PPP2R5E: variants seen among roughly 807,000 people sequenced by gnomAD.
PPP2R5E encodes the protein serine/threonine-protein phosphatase 2A 56 kDa regulatory subunit epsilon isoform.
Under a neutral mutation model 65.3 loss-of-function variants are expected in PPP2R5E, and 4 were observed. The ratio of observed to expected loss-of-function variants is 0.06; its 90% CI spans 0.03 to 0.14. PPP2R5E has a LOEUF of 0.14. PPP2R5E is among the 10% of genes least tolerant of loss of function. PPP2R5E has a pLI of 1.00. For synonymous variants in PPP2R5E, 183 were observed against 187.4 expected (o/e 0.98, Z 0.19); for missense variants, 274 against 556.1 (o/e 0.49, Z 5.10).
intron 2 of PPP2R5E, among the ~76,000 whole-genome samples, chr14:63,474,346 G>T (rs1482492893): frequency 3.3e-5 from 5 of 152,160 alleles, no homozygotes; most frequent in African/African-American, 9.7e-5. Context: ...TTGAGCACCT[G>T]GGTGAACAGA....
intron 2 of PPP2R5E, among the ~76,000 whole-genome samples, chr14:63,481,659 C>A (rs894254281): frequency 2.0e-5 from 3 of 152,100 alleles, no homozygotes; most frequent in African/African-American, 7.2e-5. Flanking sequence ...TTTTAACAAT[C>A]ATTTATCAAA....
chr14:63,394,042 T>G, intron 7 of PPP2R5E, 114 bp from the exon 8 acceptor site: 2 of 449,048 alleles, frequency 4.5e-6, no homozygotes, highest in Non-Finnish European at 8.3e-6. Flanking sequence ...AACAACATAA[T>G]ACCCACCCCA....
intron 7 of PPP2R5E, 142 bp from the exon 8 acceptor site, chr14:63,394,070 CTTTTTT>C (rs557273298): frequency 0.049 from 8,880 of 180,738 alleles, 140 homozygotes; most frequent in East Asian, 0.19. Flanking sequence ...TCAGAATTTC[CTTTTTT>C]TTTTTTTTTT....
chr14:63,458,852 T>C (rs1179527105), intron 2 of PPP2R5E, among the ~76,000 whole-genome samples: 3 of 152,196 alleles, frequency 2.0e-5, no homozygotes, highest in Admixed American at 2.0e-4. Flanking sequence ...AAAATTCTTC[T>C]AAATTAACAA....
chr14:63,534,825 G>A (rs1473048711), intron 2 of PPP2R5E, among the ~76,000 whole-genome samples: 1 of 152,036 alleles, frequency 6.6e-6, no homozygotes, highest in East Asian at 1.9e-4. Flanking sequence ...TCACTATGTT[G>A]CGTAGGCTGG....
intron 2 of PPP2R5E, among the ~76,000 whole-genome samples, chr14:63,510,420 C>A (rs918413042): frequency 2.6e-5 from 4 of 152,176 alleles, no homozygotes; most frequent in African/African-American, 9.7e-5. Flanking sequence ...TGCAGTCTAA[C>A]TGAAGGGGAT....
At chr14:63,500,730 T>C (rs555626631) in intron 2 of PPP2R5E, among the ~76,000 whole-genome samples, 2 of 152,004 alleles carry the variant, frequency 1.3e-5, no homozygotes, top group South Asian at 4.2e-4. Context: ...TTGCCAGGCA[T>C]GGTGGTGCAT....
At chr14:63,540,839 TTG>T (rs1893870977) in intron 1 of PPP2R5E, among the ~76,000 whole-genome samples, 1 of 152,214 alleles carries the variant, frequency 6.6e-6, no homozygotes, top group Non-Finnish European at 1.5e-5. Flanking sequence ...CTCTAATGTA[TTG>T]TGCCACTCCA....
intron 2 of PPP2R5E, among the ~76,000 whole-genome samples, chr14:63,512,062 G>C (rs906257989): frequency 2.6e-4 from 31 of 121,020 alleles, no homozygotes; most frequent in Non-Finnish European, 1.9e-4. Flanking sequence ...CTGGACGACA[G>C]AGCGAGACTC....
In PPP2R5E at chr14:63,453,799, C is replaced by G. The variant is rs1888981656; in HGVS notation, c.244G>C (p.Asp82His). ...CGCTTGTATTCTTTCATTTTAAGAT[C>G]AGATAGCGTGTCCATGAAGTCAAAA... is the stretch of plus-strand genomic sequence containing the variant. ...VIFDFMDTLS[D>H]LKMKEYKRST... Residue 82 changes from aspartate (D) to histidine (H), a missense_variant, in exon 3 of 14, where the codon GAT (aspartate) becomes CAT (histidine). Around this residue, in one of 6 missense-constraint regions of PPP2R5E, gnomAD observed 51 missense variants for 101.1 expected, o/e 0.50. Transcript: ENST00000337537. 1 of 1,609,966 alleles carries G rather than the reference C, an allele frequency of 6.2e-7. No homozygotes were observed. Among genetic ancestry groups the G allele is most frequent in the African/African-American group, 1.3e-5 (1 of 74,646 alleles).
intron 3 of PPP2R5E, among the ~76,000 whole-genome samples, chr14:63,430,421 G>GCATACATGCATACATACATA (rs1887612644): frequency 6.9e-6 from 1 of 144,074 alleles, no homozygotes; most frequent in African/African-American, 2.6e-5. Context: ...ATACATACAT[G>GCATACATGCATACATACATA]CATACATACA....
chr14:63,472,257 G>C (rs371964423), intron 2 of PPP2R5E, among the ~76,000 whole-genome samples: 7 of 152,046 alleles, frequency 4.6e-5, no homozygotes, highest in Non-Finnish European at 1.0e-4. Flanking sequence ...CTGAGATCAC[G>C]CCATTTCACT....
At chr14:63,522,931 G>T (rs1375672775) in intron 2 of PPP2R5E, among the ~76,000 whole-genome samples, 6 of 145,758 alleles carry the variant, frequency 4.1e-5, no homozygotes, top group Non-Finnish European at 7.5e-5. Context: ...CCTCTACCCG[G>T]CCAGCCGCCC....
chr14:63,377,854 CTTTT>C (rs1884079635), intron 13 of PPP2R5E, among the ~76,000 whole-genome samples: 1 of 152,114 alleles, frequency 6.6e-6, no homozygotes, highest in Admixed American at 6.5e-5. Flanking sequence ...CTTCTTCTGG[CTTTT>C]TTGTTTTTGC....
intron 2 of PPP2R5E, among the ~76,000 whole-genome samples, chr14:63,471,304 C>T (rs1890121153): frequency 6.6e-6 from 1 of 152,184 alleles, no homozygotes; most frequent in Non-Finnish European, 1.5e-5. Flanking sequence ...TCATGATCTC[C>T]TACAGACAAT....
At chr14:63,415,682 T>G (rs1258007530) in intron 4 of PPP2R5E, among the ~76,000 whole-genome samples, 1 of 152,182 alleles carries the variant, frequency 6.6e-6, no homozygotes, top group Non-Finnish European at 1.5e-5. Context: ...ATGAACAATT[T>G]ACATCAATAA....
chr14:63,380,389 G>A (rs1217745495), intron 13 of PPP2R5E, among the ~76,000 whole-genome samples: 3 of 152,016 alleles, frequency 2.0e-5, no homozygotes, highest in Admixed American at 6.5e-5. Context: ...AGGGCTGGGC[G>A]CGGTGGCTTA....
chr14:63,426,699 CAAAAAA>C (rs1191603099), intron 3 of PPP2R5E, among the ~76,000 whole-genome samples: 6 of 54,832 alleles, frequency 1.1e-4, no homozygotes, highest in East Asian at 4.3e-4. Context: ...AAAGGCTTAT[CAAAAAA>C]AAAAAAAAAA....
intron 2 of PPP2R5E, among the ~76,000 whole-genome samples, chr14:63,454,459 G>C (rs1484241690): frequency 1.3e-5 from 2 of 152,080 alleles, no homozygotes; most frequent in Admixed American, 6.5e-5. Context: ...CTCTCAAAAA[G>C]AGCACACCAG....
Sources: allele counts gnomAD v4.1 joint callset (sites outside exome capture counted in the v4.1 genomes callset), GRCh38; gene constraint gnomAD v4.1.1; regional missense constraint gnomAD v4.1.1; transcripts MANE v1.5; gene names NCBI Gene and HGNC (gene_info 2026-07-23, HGNC 2026-07-21).